ABI1: variants seen among roughly 807,000 people sequenced by gnomAD.
The protein encoded by ABI1 is Abelson interactor 1.
A neutral mutation model predicts 54.6 loss-of-function variants in ABI1; 14 were observed. The ratio of observed to expected loss-of-function variants is 0.26; its 90% CI spans 0.17 to 0.40. The LOEUF (loss-of-function observed/expected upper bound fraction) is 0.40, where lower values mean the gene tolerates loss of function less well. Among genes scored for constraint, ABI1 ranks in the 10% least tolerant of loss-of-function variants. The pLI is 1.00. For missense variants in ABI1, 443 were observed against 598.3 expected (o/e 0.74, Z 2.71); for synonymous variants, 194 against 209.3 (o/e 0.93, Z 0.63).
intron 2 of ABI1, among the ~76,000 whole-genome samples, chr10:26,813,739 C>G (rs4749185): frequency 6.6e-6 from 1 of 151,972 alleles, no homozygotes; most frequent in Non-Finnish European, 1.5e-5. Flanking sequence ...TTTAAAGACA[C>G]TTTCAGAAAT....
intron 3 of ABI1, 81 bp downstream of exon 3, chr10:26,776,984 T>G: frequency 8.1e-7 from 1 of 1,234,004 alleles, no homozygotes; most frequent in East Asian, 2.4e-5. Flanking sequence ...TCTATTAAAA[T>G]CATCTTTATG....
At chr10:26,853,743 C>T (rs1033371432) in intron 1 of ABI1, among the ~76,000 whole-genome samples, 16 of 151,900 alleles carry the variant, frequency 1.1e-4, no homozygotes, top group Non-Finnish European at 1.8e-4. Flanking sequence ...GGGGTTTCAC[C>T]ATGTTAGCCA....
chr10:26,860,603 TGGGGCTGGGGTTGGGGCTGCGGTA>T lies in ABI1; in HGVS notation c.117+120_117+143del. 1.5e-6 allele frequency: 1 copy of T among 671,602 alleles called. No homozygotes were observed. Among genetic ancestry groups the T allele is most frequent in the East Asian group, 2.6e-5 (1 of 38,802 alleles). 41.6% of individuals were successfully genotyped at this position (671,602 alleles called of 1,614,324 possible). On this transcript the variant is annotated intron_variant, in intron 1 of 10. Coordinates refer to ENST00000376140, the MANE Select transcript of ABI1 (RefSeq NM_001012750.3). This position sits in a 1 kb window ranked among gnomAD's most constrained non-coding sequence, Gnocchi z 4.1. ...CCCGGCCACTCGCTCTGTCCCCGGT[TGGGGCTGGGGTTGGGGCTGCGGTA>T]GGGGCTCGGGTTGGTGGCAGCCGCT...
At chr10:26,752,020 G>T (rs1837697900) in intron 9 of ABI1, among the ~76,000 whole-genome samples, 1 of 152,194 alleles carries the variant, frequency 6.6e-6, no homozygotes. Context: ...TGAATGCAGG[G>T]TGTTAGGAGA....
Position 26,823,408 on chromosome 10 carries a change from A to G in ABI1, c.118-103T>C, listed in dbSNP as rs1453832540. The G allele has an allele frequency of 1.5e-5, 15 of 974,132 alleles. No individual in the cohort carries two copies. The Admixed American group carries it at 4.8e-4, about 31-fold the overall frequency. The allele number at this position is 974,132 out of a possible 1,614,324, so 60.3% of individuals were successfully genotyped here. A position where few individuals can be genotyped will look rare whatever the true frequency, so the allele number is the denominator to read the frequency against. Reference sequence around the variant, plus strand: ...TATATTATTTTACTAGAGAAATTCAATAAAAAAAAACTCACTGTACCAATA... The same window carrying G: ...TATATTATTTTACTAGAGAAATTCAGTAAAAAAAAACTCACTGTACCAATA... On this transcript the variant is annotated intron_variant, in intron 1 of 10. Transcript: ENST00000376140.
At chr10:26,761,086 G>A (rs1175891361) in intron 7 of ABI1, among the ~76,000 whole-genome samples, 5 of 151,742 alleles carry the variant, frequency 3.3e-5, no homozygotes, top group African/African-American at 1.2e-4. Context: ...GGGGATATAG[G>A]AGAGTGCCAC....
At position 26,777,144 on chromosome 10, in the gene ABI1, G is replaced by A. The variant is rs145810798; in HGVS notation, c.383C>T (p.Ala128Val). ...TSRTHKIIAP[A>V]NMERPVRYIR... is the part of the protein sequence containing the mutation. Reference sequence around the variant, plus strand: ...ATACCTTACAGGGCGCTCCATATTCGCAGGTGCTATTATTTTGTGAGTTCT... The same window carrying A: ...ATACCTTACAGGGCGCTCCATATTCACAGGTGCTATTATTTTGTGAGTTCT... The change falls in exon 3 of 11, where the codon GCG (alanine) becomes GTG (valine). Residue 128 changes from alanine (A) to valine (V), a missense_variant. By Grantham distance (64) the Ala-to-Val change is moderately conservative (BLOSUM62 0). Transcript: ENST00000376140. 632 of 1,613,864 alleles carry A rather than the reference G, an allele frequency of 3.9e-4. No individual in the cohort carries two copies. Among genetic ancestry groups the A allele is most frequent in the Non-Finnish European group, 5.0e-4 (591 of 1,179,900 alleles).
At chr10:26,816,986 T>TTG (rs71403891) in intron 2 of ABI1, among the ~76,000 whole-genome samples, 89,385 of 143,650 alleles carry the variant, frequency 0.62, 28,657 homozygotes, top group Non-Finnish European at 0.74. Context: ...TGCAAAGACT[T>TTG]TGTGTGTGTG....
intron 1 of ABI1, among the ~76,000 whole-genome samples, chr10:26,841,218 A>G (rs10829099): frequency 6.6e-6 from 1 of 152,058 alleles, no homozygotes; most frequent in African/African-American, 2.4e-5. Context: ...CTAGGTGGAC[A>G]TCAGCACTAC....
At chr10:26,846,558 G>A (rs2049995972) in intron 1 of ABI1, among the ~76,000 whole-genome samples, 1 of 151,982 alleles carries the variant, frequency 6.6e-6, no homozygotes. Context: ...GGCCAGACTG[G>A]TCTCAAATTC....
At chr10:26,807,216 G>A (rs1353985733) in intron 2 of ABI1, among the ~76,000 whole-genome samples, 1 of 152,212 alleles carries the variant, frequency 6.6e-6, no homozygotes, top group Non-Finnish European at 1.5e-5. Context: ...GCTCACGCCT[G>A]TAATCCCAGC....
intron 7 of ABI1, among the ~76,000 whole-genome samples, chr10:26,761,661 T>TATATATATATATATATATACACAC (rs1375832167): frequency 8.9e-5 from 7 of 78,920 alleles, no homozygotes; most frequent in Non-Finnish European, 1.2e-4. Context: ...TATATATATA[T>TATATATATATATATATATACACAC]ACACACACAC....
intron 1 of ABI1, among the ~76,000 whole-genome samples, chr10:26,840,340 C>T (rs755414490): frequency 6.6e-5 from 10 of 152,310 alleles, no homozygotes; most frequent in East Asian, 5.8e-4. Context: ...CAAGTAGAAG[C>T]AACTTGAAGC....
chr10:26,844,089 G>A (rs2049795184), intron 1 of ABI1, among the ~76,000 whole-genome samples: 1 of 152,196 alleles, frequency 6.6e-6, no homozygotes, highest in African/African-American at 2.4e-5. Flanking sequence ...AGTGACAGCA[G>A]TTCAAGTATG....
intron 2 of ABI1, among the ~76,000 whole-genome samples, chr10:26,812,444 T>C (rs542872840): frequency 1.1e-4 from 17 of 152,358 alleles, no homozygotes; most frequent in African/African-American, 3.1e-4. Flanking sequence ...TGATTTTGAA[T>C]GACAAATGAC....
At chr10:26,849,057 A>G (rs2050201854) in intron 1 of ABI1, among the ~76,000 whole-genome samples, 1 of 152,232 alleles carries the variant, frequency 6.6e-6, no homozygotes, top group Non-Finnish European at 1.5e-5. Flanking sequence ...TACTGAACCA[A>G]TCATCTATCC....
At chr10:26,834,548 AACACACAC>A (rs571268846) in intron 1 of ABI1, among the ~76,000 whole-genome samples, 7,059 of 138,598 alleles carry the variant, frequency 0.051, 271 homozygotes, top group East Asian at 0.16. Flanking sequence ...AGACATACAA[AACACACAC>A]ACACACACAC....
chr10:26,847,099 C>T (rs142258702), intron 1 of ABI1, among the ~76,000 whole-genome samples: 7 of 152,222 alleles, frequency 4.6e-5, no homozygotes, highest in African/African-American at 9.6e-5. Flanking sequence ...TGTAAAAAGT[C>T]GCAGAATAAC....
chr10:26,840,349 G>A (rs1481007910), intron 1 of ABI1, among the ~76,000 whole-genome samples: 2 of 152,192 alleles, frequency 1.3e-5, no homozygotes, highest in Admixed American at 1.3e-4. Context: ...GCAACTTGAA[G>A]CACTCATCAG....
Sources: allele counts gnomAD v4.1 joint callset (sites outside exome capture counted in the v4.1 genomes callset), GRCh38; gene constraint gnomAD v4.1.1; non-coding constraint Gnocchi (gnomAD v3.1); transcripts MANE v1.5; gene names NCBI Gene and HGNC (gene_info 2026-07-23, HGNC 2026-07-21).